Variants in PRKAR1B observed in about 807,000 individuals in gnomAD.
PRKAR1B encodes the protein cAMP-dependent protein kinase type I-beta regulatory subunit.
In PRKAR1B, 22 loss-of-function variants were observed where a neutral mutation model predicts 46.5. That is an observed-to-expected ratio of 0.47 (90% confidence interval 0.34 to 0.68). The LOEUF is 0.68. Ranked by LOEUF, PRKAR1B falls within the 30% of genes least tolerant of loss-of-function variation. PRKAR1B has a pLI of 0.01. For missense variants in PRKAR1B, 445 were observed against 535.6 expected (o/e 0.83, Z 1.67); for synonymous variants, 259 against 217.7 (o/e 1.19, Z -1.67).
rs1209363707 is a variant in PRKAR1B at position 608,659 on chromosome 7, A to AG, written c.441-1208dup. On this transcript the variant is annotated intron_variant, in intron 4 of 10. Transcript: ENST00000537384. ...GCCTCCACTGTCCTCCCACCTGGGG[A>AG]GGGATCAGTGTGTGGCAGGGTTGTA... Among the ~76,000 whole-genome samples, 2 of 50,000 alleles carry AG rather than the reference A, an allele frequency of 4.0e-5. 1 individual carries two copies. Among genetic ancestry groups the AG allele is most frequent in the Non-Finnish European group, 9.6e-5 (2 of 20,882 alleles). The allele number at this position is 50,000 out of a possible 152,430, so 32.8% of individuals were successfully genotyped here.
chr7:590,882 G>T (rs1780932371), intron 7 of PRKAR1B, among the ~76,000 whole-genome samples: 1 of 152,148 alleles, frequency 6.6e-6, no homozygotes, highest in South Asian at 2.1e-4. Context: ...CCGAGCCCAG[G>T]CCCGTCGGCA....
intron 1 of PRKAR1B, among the ~76,000 whole-genome samples, chr7:724,814 CATT>C (rs1454415986): frequency 6.6e-6 from 1 of 152,240 alleles, no homozygotes; most frequent in Non-Finnish European, 1.5e-5. Context: ...GTTTCTACAT[CATT>C]GTCATCCTGT....
rs1784096816 is a variant in PRKAR1B, at chr7:550,257, C to T, written c.*173G>A. On this transcript the variant is annotated 3_prime_UTR_variant, in exon 11 of 11. Coordinates refer to ENST00000537384, the MANE Select transcript of PRKAR1B (RefSeq NM_001164760.2). Reference sequence around the variant, plus strand: ...GCTTGTCCTTTGATTTGGAAATGCACAAGGTGATCATTTATTCCAAAAAGT... The same window carrying T: ...GCTTGTCCTTTGATTTGGAAATGCATAAGGTGATCATTTATTCCAAAAAGT... The T allele has an allele frequency of 4.9e-6, 3 of 609,872 alleles. No individual in the cohort carries two copies. Among genetic ancestry groups the T allele is most frequent in the South Asian group, 2.0e-5 (1 of 50,788 alleles). The allele number at this position is 609,872 out of a possible 1,614,324, so 37.8% of individuals were successfully genotyped here.
intron 4 of PRKAR1B, among the ~76,000 whole-genome samples, chr7:627,172 T>C (rs1036727698): frequency 7.9e-5 from 12 of 152,076 alleles, no homozygotes; most frequent in Non-Finnish European, 1.2e-4. Context: ...TATTTATTTG[T>C]AGAGATGGGG....
intron 6 of PRKAR1B, among the ~76,000 whole-genome samples, chr7:601,609 C>T (rs1781599115): frequency 2.6e-5 from 4 of 152,138 alleles, no homozygotes; most frequent in African/African-American, 4.8e-5. Flanking sequence ...GCAGCTCCTG[C>T]GCCCGGCCCC....
At chr7:687,847 G>T (rs939702756) in intron 2 of PRKAR1B, among the ~76,000 whole-genome samples, 2 of 152,182 alleles carry the variant, frequency 1.3e-5, no homozygotes, top group African/African-American at 4.8e-5. Context: ...TGTAATCCCA[G>T]GACTTTGGGA....
chr7:656,798 T>C (rs943291429), intron 4 of PRKAR1B, among the ~76,000 whole-genome samples: 1 of 152,020 alleles, frequency 6.6e-6, no homozygotes, highest in African/African-American at 2.4e-5. Flanking sequence ...GATGCATGAG[T>C]GAATGTGTGG....
At position 706,422 on chromosome 7, in the gene PRKAR1B, ATT is replaced by A. The variant is rs33963335; in HGVS notation, c.177+4905_177+4906del. Among the ~76,000 whole-genome samples, 828 of 102,288 alleles carry A rather than the reference ATT, an allele frequency of 8.1e-3. 34 individuals are homozygous for A. The highest frequency in any genetic ancestry group is 0.03 in the African/African-American group (788 of 25,856). The allele number at this position is 102,288 out of a possible 152,430, so 67.1% of individuals were successfully genotyped here. ...GCTGTGTTTTGCCATCAAATAAGGA[ATT>A]TTTTTTTTTTTTTTTTTGAGACGGA... On this transcript the variant is annotated intron_variant, in intron 2 of 10. Coordinates refer to ENST00000537384, the MANE Select transcript of PRKAR1B (RefSeq NM_001164760.2).
chr7:567,439 TCAC>T (rs1253069159), intron 9 of PRKAR1B, among the ~76,000 whole-genome samples: 2 of 125,982 alleles, frequency 1.6e-5, no homozygotes, highest in Admixed American at 8.0e-5. Flanking sequence ...ACCATCATCA[TCAC>T]CATCACCTCC....
intron 1 of PRKAR1B, 117 bp from the exon 2 acceptor site, chr7:711,644 C>A (rs1444116775): frequency 1.1e-6 from 1 of 913,698 alleles, no homozygotes; most frequent in Non-Finnish European, 1.6e-6. Context: ...GTCACTGATT[C>A]TGCATTTGTC....
chr7:583,432 AC>A (rs1780338890), intron 8 of PRKAR1B, among the ~76,000 whole-genome samples: 1 of 51,994 alleles, frequency 1.9e-5, no homozygotes, highest in Non-Finnish European at 4.1e-5. Flanking sequence ...ACACGCACAC[AC>A]CCACAGTGCA....
rs189315975 is a variant in PRKAR1B at position 590,791 on chromosome 7, G to A, written c.708+5355C>T. Among the ~76,000 whole-genome samples, 354 of 152,152 alleles carry A rather than the reference G, an allele frequency of 2.3e-3. 2 individuals carry two copies. The highest frequency in any genetic ancestry group is 0.014 in the Middle Eastern group (4 of 294). ...CAGGAACTTGGCCCAAGACCAAGACGGTGCAGACGGCACTTCTCCACCCGC... is the reference window on the plus strand; with the variant it reads ...CAGGAACTTGGCCCAAGACCAAGACAGTGCAGACGGCACTTCTCCACCCGC... On this transcript the variant is annotated intron_variant, in intron 7 of 10. Coordinates refer to ENST00000537384, the MANE Select transcript of PRKAR1B (RefSeq NM_001164760.2).
At chr7:554,253 G>A (rs969391171) in intron 9 of PRKAR1B, among the ~76,000 whole-genome samples, 28 of 152,260 alleles carry the variant, frequency 1.8e-4, no homozygotes, top group African/African-American at 5.3e-4. Flanking sequence ...AATTCGGTGC[G>A]AGAAAATTTG....
At chr7:710,958 T>C (rs760237852) in intron 2 of PRKAR1B, among the ~76,000 whole-genome samples, 1 of 152,096 alleles carries the variant, frequency 6.6e-6, no homozygotes, top group Non-Finnish European at 1.5e-5. Context: ...TTATCCCAAG[T>C]GGTGACAGCA....
Position 727,262 on chromosome 7 carries a change from C to T in PRKAR1B, c.-75G>A, listed in dbSNP as rs1342193316. 6.0e-6 allele frequency: 8 copies of T among 1,332,256 alleles called. No individual in the cohort carries two copies. The highest frequency in any genetic ancestry group is 1.5e-5 in the African/African-American group (1 of 64,830). 82.5% of individuals were successfully genotyped at this position (1,332,256 alleles called of 1,614,324 possible). On this transcript the variant is annotated 5_prime_UTR_variant, in exon 1 of 11. Transcript: ENST00000537384. ...TGCTCCCTGCTCGACCCCTTCGCCG[C>T]CGTGCGCCGCGAGAGCTGCAGCTGC...
At chr7:656,740 C>T (rs556901583) in intron 4 of PRKAR1B, among the ~76,000 whole-genome samples, 3 of 151,248 alleles carry the variant, frequency 2.0e-5, no homozygotes, top group South Asian at 4.2e-4. Context: ...TGTGTAAATG[C>T]ATGGATGGAT....
chr7:607,506 A>G, intron 4 of PRKAR1B, 54 bp from the exon 5 acceptor site: 2 of 1,448,814 alleles, frequency 1.4e-6, no homozygotes, highest in Non-Finnish European at 1.9e-6. Flanking sequence ...GGACATTTAA[A>G]CCCTTCCTCC....
intron 2 of PRKAR1B, among the ~76,000 whole-genome samples, chr7:695,664 G>T (rs925028179): frequency 2.0e-5 from 3 of 149,914 alleles, no homozygotes; most frequent in African/African-American, 7.6e-5. Context: ...TGTTTTTTTT[G>T]TTTTTTGTTT....
intron 4 of PRKAR1B, among the ~76,000 whole-genome samples, chr7:669,049 C>T (rs1786080842): frequency 6.6e-6 from 1 of 152,140 alleles, no homozygotes; most frequent in African/African-American, 2.4e-5. Context: ...GCACTAATCA[C>T]AATAACCAAA....
Sources: allele counts gnomAD v4.1 joint callset (sites outside exome capture counted in the v4.1 genomes callset), GRCh38; gene constraint gnomAD v4.1.1; transcripts MANE v1.5; gene names NCBI Gene and HGNC (gene_info 2026-07-23, HGNC 2026-07-21).